The following ANO4 variants were observed in gnomAD, a reference collection of about 807,000 sequenced individuals.
The protein encoded by ANO4 is anoctamin-4.
A neutral mutation model predicts 141.9 loss-of-function variants in ANO4; 69 were observed. The observed-to-expected ratio is 0.49, with a 90% confidence interval of 0.40 to 0.59. ANO4 has a LOEUF of 0.59. ANO4 is among the 20% of genes least tolerant of loss of function. The pLI is 0.00. For synonymous variants in ANO4, 350 were observed against 394.3 expected (o/e 0.89, Z 1.33); for missense variants, 894 against 1,162.2 (o/e 0.77, Z 3.36).
At chr12:100,803,447 A>G (rs1390611375) in intron 1 of ANO4, among the ~76,000 whole-genome samples, 3 of 152,208 alleles carry the variant, frequency 2.0e-5, no homozygotes, top group African/African-American at 4.8e-5. Flanking sequence ...GTTAGTGGAA[A>G]TGGTGCCTCG....
intron 1 of ANO4, among the ~76,000 whole-genome samples, chr12:100,866,544 C>T (rs2038762666): frequency 6.6e-6 from 1 of 152,142 alleles, no homozygotes; most frequent in Non-Finnish European, 1.5e-5. Flanking sequence ...CCAGCTGCTC[C>T]CTGGTAGTTG....
chr12:100,853,710 T>C (rs906599426), intron 1 of ANO4, among the ~76,000 whole-genome samples: 6 of 152,154 alleles, frequency 3.9e-5, no homozygotes, highest in African/African-American at 1.4e-4. Flanking sequence ...ACCTATTAAC[T>C]TCCAATGTTG....
chr12:100,758,884 C>T (rs2135519526), intron 3 of ANO4, among the ~76,000 whole-genome samples: 1 of 152,298 alleles, frequency 6.6e-6, no homozygotes, highest in Admixed American at 6.5e-5. Context: ...CTACCTCTGT[C>T]TACACATGGC....
intron 14 of ANO4, among the ~76,000 whole-genome samples, chr12:101,059,967 A>T (rs2048280685): frequency 6.6e-6 from 1 of 151,954 alleles, no homozygotes; most frequent in African/African-American, 2.4e-5. Context: ...TTTAATTGTG[A>T]TGTTAGGATG....
intron 9 of ANO4, among the ~76,000 whole-genome samples, chr12:101,033,716 G>A (rs973520340): frequency 4.6e-5 from 7 of 152,080 alleles, no homozygotes; most frequent in African/African-American, 7.2e-5. Context: ...TCTACAGAGC[G>A]GGAGAAATTT....
At chr12:100,948,150 CAAAAAAAAAAA>C (rs58889801) in intron 5 of ANO4, among the ~76,000 whole-genome samples, 2 of 83,330 alleles carry the variant, frequency 2.4e-5, no homozygotes, top group Admixed American at 1.3e-4. Context: ...GACTTCGTCT[CAAAAAAAAAAA>C]AAAAAAAAAA....
rs1223975194 is a variant in ANO4 at position 100,922,309 on chromosome 12, A to T, written c.139A>T (p.Ile47Phe). Reference protein sequence around the residue: ...GPKSDVDFSEILNAIQEMAKD... With the variant: ...GPKSDVDFSEFLNAIQEMAKD... ...AAAGAGTGATGTGGACTTTTCAGAG[A>T]TTCTTAATGCAATACAAGAAAGTAA... The change falls in exon 3 of 28, where the codon ATT becomes TTT. Residue 47 changes from isoleucine (I) to phenylalanine (F), a missense_variant. Around this residue, in one of 2 missense-constraint regions of ANO4, gnomAD observed 257 missense variants for 253.0 expected, o/e 1.02. Coordinates refer to ENST00000392977, the MANE Select transcript of ANO4 (RefSeq NM_001286615.2). 6.5e-7 allele frequency: 1 copy of T among 1,531,846 alleles called. No homozygotes were observed. Among genetic ancestry groups the T allele is most frequent in the South Asian group, 1.2e-5 (1 of 83,282 alleles). The allele number at this position is 1,531,846 out of a possible 1,614,324, so 94.9% of individuals were successfully genotyped here.
intron 1 of ANO4, among the ~76,000 whole-genome samples, chr12:100,873,410 C>A (rs1200537417): frequency 1.3e-5 from 2 of 152,118 alleles, no homozygotes; most frequent in Non-Finnish European, 2.9e-5. Context: ...GAGGTCCAGG[C>A]TGGGGAGGTC....
intron 3 of ANO4, among the ~76,000 whole-genome samples, chr12:100,743,897 G>C (rs951002003): frequency 2.6e-5 from 4 of 152,058 alleles, no homozygotes; most frequent in African/African-American, 9.7e-5. Flanking sequence ...CTTGGTGTCT[G>C]TTGTTCCCTT....
intron 3 of ANO4, 94 bp from the exon 4 acceptor site, chr12:100,939,221 A>C (rs2042405377): frequency 1.5e-6 from 2 of 1,300,030 alleles, no homozygotes; most frequent in African/African-American, 1.5e-5. Context: ...ATGATGAGAA[A>C]ATATGAACCC....
At chr12:100,854,079 A>G (rs1197756627) in intron 1 of ANO4, among the ~76,000 whole-genome samples, 3 of 152,046 alleles carry the variant, frequency 2.0e-5, no homozygotes, top group Non-Finnish European at 2.9e-5. Context: ...GAGTGATAAA[A>G]TCTCTCTGGC....
chr12:100,850,998 A>G, intron 1 of ANO4, among the ~76,000 whole-genome samples: 1 of 152,128 alleles, frequency 6.6e-6, no homozygotes, highest in East Asian at 1.9e-4. Context: ...TTGTGTTTCT[A>G]TTTTTAGCTC....
upstream of ANO4, among the ~76,000 whole-genome samples, chr12:100,793,772 A>G (rs1195293848): frequency 6.6e-6 from 1 of 152,214 alleles, no homozygotes; most frequent in African/African-American, 2.4e-5. Flanking sequence ...TATATAATGT[A>G]ATCATCACAA....
intron 5 of ANO4, among the ~76,000 whole-genome samples, chr12:100,964,056 C>G (rs2043541872): frequency 6.6e-6 from 1 of 152,174 alleles, no homozygotes; most frequent in Admixed American, 6.5e-5. Context: ...GCTCTTACTA[C>G]TGGCCTTACA....
intron 1 of ANO4, among the ~76,000 whole-genome samples, chr12:100,876,966 G>C (rs1413305370): frequency 6.6e-6 from 1 of 152,140 alleles, no homozygotes; most frequent in East Asian, 1.9e-4. Context: ...TTTGTCATTT[G>C]TGACAAAATG....
At position 101,098,155 on chromosome 12, in the gene ANO4, C is replaced by G. The variant is rs142516299; in HGVS notation, c.2006+210C>G. On this transcript the variant is annotated intron_variant, in intron 21 of 27. Transcript: ENST00000392977. ...ATTTAGCACAATTCACATGAACAAA[C>G]GTGAATATTCTTTAAGGAGACTCTT... Among the ~76,000 whole-genome samples the G allele has an allele frequency of 1.6e-4, 25 of 152,226 alleles. 1 individual carries two copies. In the South Asian group the frequency reaches 5.0e-3, roughly 30 times the overall value.
intron 14 of ANO4, among the ~76,000 whole-genome samples, chr12:101,049,461 C>A (rs1454311867): frequency 6.6e-6 from 1 of 150,820 alleles, no homozygotes; most frequent in East Asian, 1.9e-4. Context: ...CCTTGAGGAC[C>A]ATTATGATTA....
At chr12:100,846,351 GAAAT>G in intron 1 of ANO4, among the ~76,000 whole-genome samples, 1 of 152,112 alleles carries the variant, frequency 6.6e-6, no homozygotes, top group East Asian at 1.9e-4. Flanking sequence ...AAAGTTATAA[GAAAT>G]AACAGAAAGA....
chr12:101,074,841 C>T (rs1254574210), intron 14 of ANO4, among the ~76,000 whole-genome samples: 1 of 152,060 alleles, frequency 6.6e-6, no homozygotes, highest in Non-Finnish European at 1.5e-5. Context: ...GAATAGTTTT[C>T]CACATTTGCT....
Sources: allele counts gnomAD v4.1 joint callset (sites outside exome capture counted in the v4.1 genomes callset), GRCh38; gene constraint gnomAD v4.1.1; regional missense constraint gnomAD v4.1.1; transcripts MANE v1.5; gene names NCBI Gene and HGNC (gene_info 2026-07-23, HGNC 2026-07-21).